The following AKAP12 variants were observed in gnomAD, a reference collection of about 807,000 sequenced individuals.
The protein encoded by AKAP12 is A-kinase anchoring protein 12.
AKAP12 carries 32 observed loss-of-function variants against 79.9 expected under a neutral mutation model. The observed-to-expected ratio is 0.40, with a 90% confidence interval of 0.30 to 0.54. AKAP12 has a LOEUF of 0.54. AKAP12 is among the 20% of genes least tolerant of loss of function. The pLI is 0.48. For synonymous variants in AKAP12, 808 were observed against 857.0 expected, an observed-to-expected ratio of 0.94 and a Z score of 1.00; for missense variants, 2,074 against 2,177.0, an observed-to-expected ratio of 0.95 and a Z score of 0.94.
intron 3 of AKAP12, among the ~76,000 whole-genome samples, chr6:151,347,094 C>T (rs1431406052): frequency 6.6e-6 from 1 of 152,224 alleles, no homozygotes; most frequent in Admixed American, 6.5e-5. Flanking sequence ...AATCGTCACT[C>T]TCATAAAATA....
Position 151,353,414 on chromosome 6 carries a change from G to A in AKAP12, c.5023G>A (p.Val1675Met), listed in dbSNP as rs1053462025. 22 of 1,614,038 alleles carry A rather than the reference G, an allele frequency of 1.4e-5. No individual in the cohort carries two copies. In the Admixed American group the frequency reaches 1.5e-4, roughly 11 times the overall value. Residue 1675 changes from valine (V) to methionine (M), a missense_variant, in exon 4 of 5, where the codon GTG (valine) becomes ATG (methionine). Val to Met is a conservative substitution (Grantham distance 21). This residue lies in a region of AKAP12 where 614 missense variants were observed against 665.6 expected (regional missense o/e 0.92). Coordinates refer to ENST00000402676, the MANE Select transcript of AKAP12 (RefSeq NM_005100.4). ...EEGGGAGTKS[V>M]PEDDGHALLA... Reference sequence around the variant, plus strand: ...GGGAGGTGGAGCTGGAACAAAGTCTGTGCCAGAAGATGATGGTCATGCCTT... The same window carrying A: ...GGGAGGTGGAGCTGGAACAAAGTCTATGCCAGAAGATGATGGTCATGCCTT...
intron 3 of AKAP12, among the ~76,000 whole-genome samples, chr6:151,309,624 G>T (rs1002192134): frequency 1.3e-5 from 2 of 152,104 alleles, no homozygotes; most frequent in African/African-American, 4.8e-5. Context: ...AGAAGGAACC[G>T]CATATAAATA....
chr6:151,249,650 A>G (rs904549953), intron 2 of AKAP12, among the ~76,000 whole-genome samples: 4 of 152,250 alleles, frequency 2.6e-5, no homozygotes, highest in Admixed American at 1.3e-4. Context: ...TCATTTTTAT[A>G]TGGGTTACCT....
At chr6:151,246,412 C>A (rs113330241) in intron 2 of AKAP12, among the ~76,000 whole-genome samples, 1 of 152,008 alleles carries the variant, frequency 6.6e-6, no homozygotes, top group Non-Finnish European at 1.5e-5. Flanking sequence ...TGCAAGACTC[C>A]GTCTCAAAAA....
chr6:151,348,733 T>C lies in AKAP12; in HGVS notation c.342T>C (p.Asp114=). 7.1e-7 allele frequency: 1 copy of C among 1,404,706 alleles called. No homozygotes were observed. The highest frequency in any genetic ancestry group is 9.5e-7 in the Non-Finnish European group (1 of 1,053,054). The allele number at this position is 1,404,706 out of a possible 1,614,324, so 87.0% of individuals were successfully genotyped here. A position where few individuals can be genotyped will look rare whatever the true frequency, so the allele number is the denominator to read the frequency against. ...VTEVGQRDSE[D]VSKRDSDKEM... is the part of the protein sequence containing the mutation. ...TAGTTGGACAGAGAGACTCTGAAGA[T>C]GTGAGCAAAAGAGACTCCGATAAAG... Residue 114 remains aspartate (D), a synonymous_variant, in exon 4 of 5, where the codon GAT becomes GAC. Transcript: ENST00000402676.
chr6:151,278,875 G>A (rs984956145), intron 2 of AKAP12, among the ~76,000 whole-genome samples: 2 of 151,758 alleles, frequency 1.3e-5, no homozygotes, highest in Admixed American at 6.6e-5. Flanking sequence ...CACCGTGTTA[G>A]CCAGGATGGT....
rs1331977129 is a variant in AKAP12 at position 151,354,597 on chromosome 6, CTCCTGACCTCGTGA to C, written c.*12+849_*12+862del. On this transcript the variant is annotated intron_variant, in intron 4 of 4. Transcript: ENST00000402676. ...ACCGTGTTAGCCAGGAGGTCTCGAT[CTCCTGACCTCGTGA>C]TCCGCCCGCCTTGGCCTCCCAAAGT... Among the ~76,000 whole-genome samples, 10 of 152,116 alleles carry C rather than the reference CTCCTGACCTCGTGA, an allele frequency of 6.6e-5. No homozygotes were observed. The South Asian group carries it at 1.5e-3, about 22-fold the overall frequency.
In AKAP12 at chr6:151,351,984, A is replaced by G; in HGVS notation, c.3593A>G (p.Asn1198Ser). The change falls in exon 4 of 5, where the codon AAT becomes AGT. Residue 1198 changes from asparagine to serine, a missense_variant. Asn to Ser is a conservative substitution (Grantham distance 46). Coordinates refer to ENST00000402676, the MANE Select transcript of AKAP12 (RefSeq NM_005100.4). This position sits in a 1 kb window ranked among gnomAD's most constrained non-coding sequence, Gnocchi z 4.4. ...KDEIVEIHEE[N>S]EVASGTQSGG... Reference sequence around the variant, plus strand: ...GAGATTGTGGAAATCCATGAGGAGAATGAGGTCGCATCTGGTACCCAGTCA... The same window carrying G: ...GAGATTGTGGAAATCCATGAGGAGAGTGAGGTCGCATCTGGTACCCAGTCA... 6.2e-7 allele frequency: 1 copy of G among 1,614,144 alleles called. No individual in the cohort carries two copies. The highest frequency in any genetic ancestry group is 2.2e-5 in the East Asian group (1 of 44,868).
At chr6:151,315,657 A>G (rs1481710284) in intron 3 of AKAP12, among the ~76,000 whole-genome samples, 2 of 152,186 alleles carry the variant, frequency 1.3e-5, no homozygotes, top group Non-Finnish European at 2.9e-5. Flanking sequence ...TGATTAAGGC[A>G]ATGATATAGT....
At chr6:151,291,111 T>C (rs373673504) in intron 2 of AKAP12, among the ~76,000 whole-genome samples, 4 of 152,274 alleles carry the variant, frequency 2.6e-5, no homozygotes, top group East Asian at 1.9e-4. Context: ...CAGTGTCCCC[T>C]TCACCACCTG....
intron 2 of AKAP12, among the ~76,000 whole-genome samples, chr6:151,287,161 G>A (rs1240813810): frequency 6.6e-6 from 1 of 151,968 alleles, no homozygotes; most frequent in Admixed American, 6.6e-5. Flanking sequence ...GGATGGTCTC[G>A]ATCTCCTGAC....
chr6:151,337,170 C>T (rs222572), intron 3 of AKAP12, among the ~76,000 whole-genome samples: 75,957 of 151,830 alleles, frequency 0.5, 22,030 homozygotes, highest in African/African-American at 0.8. Context: ...TTAGTAGTTA[C>T]CTGCAATTCC....
chr6:151,332,325 C>T (rs998749852), intron 3 of AKAP12, among the ~76,000 whole-genome samples: 8 of 152,078 alleles, frequency 5.3e-5, no homozygotes, highest in Non-Finnish European at 8.8e-5. Flanking sequence ...CGTGAGCCAC[C>T]GCGCCCGGCC....
intron 2 of AKAP12, 127 bp downstream of exon 2, chr6:151,240,851 A>AG (rs1050232829): frequency 1.1e-6 from 1 of 912,834 alleles, no homozygotes; most frequent in African/African-American, 1.7e-5. Context: ...CTGCAAACTC[A>AG]GGAGTGCGAA....
chr6:151,245,495 C>G (rs1797052908), intron 2 of AKAP12, among the ~76,000 whole-genome samples: 1 of 151,812 alleles, frequency 6.6e-6, no homozygotes, highest in Non-Finnish European at 1.5e-5. Context: ...TGGGGTTTCA[C>G]CATGTTGGCC....
At chr6:151,342,248 G>A (rs1292456814) in intron 3 of AKAP12, among the ~76,000 whole-genome samples, 8 of 152,268 alleles carry the variant, frequency 5.3e-5, no homozygotes, top group Admixed American at 1.3e-4. Flanking sequence ...GCCATGGGGA[G>A]TGTGAAGCCC....
intron 2 of AKAP12, among the ~76,000 whole-genome samples, chr6:151,271,752 C>T (rs552441918): frequency 3.3e-5 from 5 of 152,220 alleles, no homozygotes; most frequent in African/African-American, 7.2e-5. Context: ...CTCTGCCTCC[C>T]GGGTTCAAGT....
chr6:151,327,552 T>C (rs1261725826), intron 3 of AKAP12, among the ~76,000 whole-genome samples: 1 of 152,182 alleles, frequency 6.6e-6, no homozygotes, highest in Non-Finnish European at 1.5e-5. Flanking sequence ...TACAATATGA[T>C]TTTTATTATA....
intron 2 of AKAP12, among the ~76,000 whole-genome samples, chr6:151,289,387 T>C (rs922275220): frequency 6.6e-6 from 1 of 152,164 alleles, no homozygotes; most frequent in Non-Finnish European, 1.5e-5. Flanking sequence ...TTGGGTTATG[T>C]AGTAGTGAAT....
Sources: allele counts gnomAD v4.1 joint callset (sites outside exome capture counted in the v4.1 genomes callset), GRCh38; gene constraint gnomAD v4.1.1; regional missense constraint gnomAD v4.1.1; non-coding constraint Gnocchi (gnomAD v3.1); transcripts MANE v1.5; gene names NCBI Gene and HGNC (gene_info 2026-07-23, HGNC 2026-07-21).